FAF1: variants seen among roughly 807,000 people sequenced by gnomAD.
FAF1 encodes FAS-associated factor 1.
FAF1 carries 25 observed loss-of-function variants against 92.5 expected under a neutral mutation model. The ratio of observed to expected loss-of-function variants is 0.27; its 90% CI spans 0.20 to 0.38. The LOEUF is 0.38. Ranked by LOEUF, FAF1 falls within the 10% of genes least tolerant of loss-of-function variation. The probability of loss-of-function intolerance (pLI) is 1.00; values close to 1 mark genes in which losing one functional copy is unlikely to be tolerated. For missense variants in FAF1, 636 were observed against 793.3 expected (o/e 0.80, Z 2.38); for synonymous variants, 234 against 273.2 (o/e 0.86, Z 1.42).
chr1:50,649,117 G>A (rs12748269), intron 8 of FAF1, among the ~76,000 whole-genome samples: 1 of 151,132 alleles, frequency 6.6e-6, no homozygotes, highest in Non-Finnish European at 1.5e-5. Context: ...GGGGTGGGGA[G>A]AGGGCTGTGT....
chr1:50,554,743 A>G (rs1287083973), intron 13 of FAF1, among the ~76,000 whole-genome samples: 1 of 152,068 alleles, frequency 6.6e-6, no homozygotes, highest in Non-Finnish European at 1.5e-5. Context: ...CTTACCTCAC[A>G]TTTTTCTACT....
intron 3 of FAF1, among the ~76,000 whole-genome samples, chr1:50,793,089 A>G (rs1253186977): frequency 6.6e-6 from 1 of 152,142 alleles, no homozygotes; most frequent in African/African-American, 2.4e-5. Flanking sequence ...TACTTGATCT[A>G]TAAACAGTAG....
chr1:50,881,754 C>T (rs546396002), intron 1 of FAF1, among the ~76,000 whole-genome samples: 1 of 152,242 alleles, frequency 6.6e-6, no homozygotes, highest in East Asian at 1.9e-4. Flanking sequence ...TTCTAAAACA[C>T]TTGAATCTTA....
intron 15 of FAF1, among the ~76,000 whole-genome samples, chr1:50,520,068 T>A (rs1354800209): frequency 6.6e-6 from 1 of 151,856 alleles, no homozygotes; most frequent in Non-Finnish European, 1.5e-5. Flanking sequence ...CAAAACAAAT[T>A]AATGGTAGTT....
rs1418216926 is a variant in FAF1 at position 50,855,560 on chromosome 1, A to G, written c.114+2369T>C. Reference sequence around the variant, plus strand: ...TAGTCATAATTTATAAACACAAACTATAACACACAGGCAAAATATAGAGGA... The same window carrying G: ...TAGTCATAATTTATAAACACAAACTGTAACACACAGGCAAAATATAGAGGA... On this transcript the variant is annotated intron_variant, in intron 2 of 18. Coordinates refer to ENST00000396153, the MANE Select transcript of FAF1 (RefSeq NM_007051.3). Among the ~76,000 whole-genome samples the G allele has an allele frequency of 4.6e-5, 7 of 151,926 alleles. No homozygotes were observed. In the East Asian group the frequency reaches 9.6e-4, roughly 21 times the overall value.
At chr1:50,739,595 T>C (rs922524878) in intron 5 of FAF1, among the ~76,000 whole-genome samples, 3 of 152,126 alleles carry the variant, frequency 2.0e-5, no homozygotes, top group African/African-American at 7.2e-5. Context: ...GCAAATAATA[T>C]ATACTTCGTT....
At chr1:50,632,901 T>G (rs1653854467) in intron 8 of FAF1, among the ~76,000 whole-genome samples, 1 of 152,196 alleles carries the variant, frequency 6.6e-6, no homozygotes, top group Admixed American at 6.6e-5. Flanking sequence ...TCTCTAGTTA[T>G]TTCTCGAACT....
intron 18 of FAF1, among the ~76,000 whole-genome samples, chr1:50,458,849 C>T (rs926709432): frequency 1.3e-5 from 2 of 152,190 alleles, no homozygotes; most frequent in African/African-American, 4.8e-5. Flanking sequence ...CCTTATCCTA[C>T]AGCGAGGAAA....
intron 2 of FAF1, among the ~76,000 whole-genome samples, chr1:50,842,229 A>G (rs1644261775): frequency 6.6e-6 from 1 of 152,074 alleles, no homozygotes; most frequent in Non-Finnish European, 1.5e-5. Context: ...TTCTCATGTA[A>G]AAACTCTAGA....
intron 1 of FAF1, among the ~76,000 whole-genome samples, chr1:50,908,954 A>G (rs1644861711): frequency 6.6e-6 from 1 of 152,120 alleles, no homozygotes; most frequent in Non-Finnish European, 1.5e-5. Flanking sequence ...TAGTTGATGC[A>G]GTTTCTTCCT....
intron 3 of FAF1, among the ~76,000 whole-genome samples, chr1:50,795,595 G>C (rs995602607): frequency 6.6e-6 from 1 of 152,162 alleles, no homozygotes; most frequent in Non-Finnish European, 1.5e-5. Context: ...CTTTATATCA[G>C]TGTCCAAAAC....
chr1:50,817,450 C>T lies in FAF1; in HGVS notation c.115-15773G>A, dbSNP rs568153693. Among the ~76,000 whole-genome samples, 369 of 152,186 alleles carry T rather than the reference C, an allele frequency of 2.4e-3. 2 individuals carry two copies. The highest frequency in any genetic ancestry group is 8.6e-3 in the African/African-American group (356 of 41,524). ...ATGAGAGTAGTCAAAATTATAGAGACAGACAGCAAAATGTTGGTTGCCAGA... is the reference window on the plus strand; with the variant it reads ...ATGAGAGTAGTCAAAATTATAGAGATAGACAGCAAAATGTTGGTTGCCAGA... On this transcript the variant is annotated intron_variant, in intron 2 of 18. Transcript: ENST00000396153.
chr1:50,529,384 A>T (rs1273565746), intron 15 of FAF1, among the ~76,000 whole-genome samples: 2 of 152,208 alleles, frequency 1.3e-5, no homozygotes, highest in African/African-American at 4.8e-5. Flanking sequence ...AAAACAATCA[A>T]TGCAATCAAT....
At chr1:50,731,359 T>G (rs1270796929) in intron 6 of FAF1, among the ~76,000 whole-genome samples, 2 of 151,608 alleles carry the variant, frequency 1.3e-5, no homozygotes, top group Non-Finnish European at 2.9e-5. Flanking sequence ...TGTCTTTCTG[T>G]TTTATCTTTT....
At chr1:50,907,913 G>C (rs1203838171) in intron 1 of FAF1, among the ~76,000 whole-genome samples, 1 of 151,898 alleles carries the variant, frequency 6.6e-6, no homozygotes, top group Non-Finnish European at 1.5e-5. Flanking sequence ...CCTTCTGCTA[G>C]CTTTTGAATG....
intron 15 of FAF1, among the ~76,000 whole-genome samples, chr1:50,505,621 C>T (rs1647049640): frequency 6.6e-6 from 1 of 152,142 alleles, no homozygotes. Context: ...TGATTTGTGG[C>T]CTGTTTTTGT....
intron 15 of FAF1, among the ~76,000 whole-genome samples, chr1:50,502,127 A>T (rs1254050284): frequency 6.6e-6 from 1 of 152,214 alleles, no homozygotes; most frequent in African/African-American, 2.4e-5. Flanking sequence ...TAAGCCCTTT[A>T]TCAGTGGCTT....
rs1197342810 is a variant in FAF1, at chr1:50,639,933, C to CAAAAAAAAAAAAAA, written c.744+15495_744+15508dup. On this transcript the variant is annotated intron_variant, in intron 8 of 18. Transcript: ENST00000396153. The stretch of plus-strand genomic sequence containing the variant: ...TGGGTGACAGAGCAAGACTCGATCT[C>CAAAAAAAAAAAAAA]AAAAAAAAAAAAAAAAAAAGTAACA... 1.4e-3 allele frequency among the ~76,000 whole-genome samples: 98 copies of CAAAAAAAAAAAAAA among 70,150 alleles called. 2 individuals are homozygous for CAAAAAAAAAAAAAA. The highest frequency in any genetic ancestry group is 4.3e-3 in the African/African-American group (91 of 21,356). 46.0% of individuals were successfully genotyped at this position (70,150 alleles called of 152,430 possible).
chr1:50,810,335 T>C lies in FAF1; in HGVS notation c.115-8658A>G, dbSNP rs185189390. Among the ~76,000 whole-genome samples, 135 of 152,172 alleles carry C rather than the reference T, an allele frequency of 8.9e-4. 1 individual carries two copies. The highest frequency in any genetic ancestry group is 4.7e-3 in the Admixed American group (72 of 15,274). On this transcript the variant is annotated intron_variant, in intron 2 of 18. Transcript: ENST00000396153. ...AAACAGAACTAAAAACAAAACAACA[T>C]GATCATCTCAAGATACAGAAAAGGC...
Sources: allele counts gnomAD v4.1 joint callset (sites outside exome capture counted in the v4.1 genomes callset), GRCh38; gene constraint gnomAD v4.1.1; transcripts MANE v1.5; gene names NCBI Gene and HGNC (gene_info 2026-07-23, HGNC 2026-07-21).